The following SCN3A variants were observed in gnomAD, a reference collection of about 807,000 sequenced individuals.
The protein encoded by SCN3A is sodium voltage-gated channel alpha subunit 3.
A neutral mutation model predicts 187.6 loss-of-function variants in SCN3A; 60 were observed. The observed-to-expected ratio is 0.32, with a 90% CI of 0.26 to 0.40. The LOEUF is 0.40. SCN3A is among the 10% of genes least tolerant of loss of function. SCN3A has a pLI of 1.00. For synonymous variants in SCN3A, 788 were observed against 829.2 expected, an observed-to-expected ratio of 0.95 and a Z score of 0.85; for missense variants, 1,601 against 2,428.2, an observed-to-expected ratio of 0.66 and a Z score of 7.16.
At position 165,162,357 on chromosome 2, in the gene SCN3A, A is replaced by C; in HGVS notation, c.982T>G (p.Leu328Val). ...YIGDDSHFYV[L>V]DGQKDPLLCG... The stretch of plus-strand genomic sequence containing the variant: ...AGTAAAGGGTCTTTTTGCCCATCCA[A>C]AACATAAAAGTGACCTGTTAATACA... Residue 328 changes from leucine (L) to valine (V), a missense_variant, in exon 9 of 28, where the codon TTG becomes GTG. Coordinates refer to ENST00000283254, the MANE Select transcript of SCN3A (RefSeq NM_006922.4). 1 of 1,613,768 alleles carries C rather than the reference A, an allele frequency of 6.2e-7. No homozygotes were observed.
At chr2:165,134,121 T>C (rs1687520829) in intron 15 of SCN3A, among the ~76,000 whole-genome samples, 1 of 152,154 alleles carries the variant, frequency 6.6e-6, no homozygotes, top group African/African-American at 2.4e-5. Context: ...GAGAAAATAC[T>C]CAGTATGCAT....
Position 165,112,937 on chromosome 2 carries a change from A to C in SCN3A, c.3791T>G (p.Phe1264Cys). The change falls in exon 21 of 28, where the codon TTT becomes TGT. Residue 1264 changes from phenylalanine to cysteine, a missense_variant. Phe to Cys is a radical substitution (Grantham distance 205). Transcript: ENST00000283254. ...CCAGGCATTAGTGAAATATGTTTGA[A>C]ATCCATAAGCAACCCATTTGAGAAG... ...EMLLKWVAYG[F>C]QTYFTNAWCW... The C allele has an allele frequency of 6.2e-7, 1 of 1,613,648 alleles. No homozygotes were observed. The highest frequency in any genetic ancestry group is 1.7e-4 in the Middle Eastern group (1 of 6,058).
chr2:165,168,950 G>A, intron 4 of SCN3A, 125 bp from the exon 5 acceptor site: 1 of 680,176 alleles, frequency 1.5e-6, no homozygotes, highest in Non-Finnish European at 2.5e-6. Context: ...TTAAAACAAT[G>A]ATAAAATAAT....
chr2:165,129,815 C>G, intron 17 of SCN3A, 125 bp downstream of exon 17: 1 of 1,186,924 alleles, frequency 8.4e-7, no homozygotes. Flanking sequence ...TCTCTGAGTG[C>G]TAATAGGGGG....
Position 165,113,004 on chromosome 2 carries a change from A to G in SCN3A, c.3724T>C (p.Tyr1242His), listed in dbSNP as rs1348671298. ...ATATAGGTAAAGACTTTGTCAGCAT[A>G]TTCTAGCATGGTTTTGATAGTCTTT... ...QRKTIKTMLEYADKVFTYIFI... is the reference protein window; with the variant it reads ...QRKTIKTMLEHADKVFTYIFI... The change falls in exon 21 of 28, where the codon TAT (tyrosine) becomes CAT (histidine). Residue 1242 changes from tyrosine to histidine, a missense_variant. Physicochemically the swap from Tyr to His is moderately conservative, Grantham distance 83. Transcript: ENST00000283254. 6.2e-7 allele frequency: 1 copy of G among 1,613,078 alleles called. No homozygotes were observed. The highest frequency in any genetic ancestry group is 8.5e-7 in the Non-Finnish European group (1 of 1,179,546).
At chr2:165,155,939 G>GAAAT (rs765037815) in intron 9 of SCN3A, 36 bp from the exon 10 acceptor site, 2 of 1,612,524 alleles carry the variant, frequency 1.2e-6, no homozygotes, top group Admixed American at 3.3e-5. Flanking sequence ...GGTCAGTTTA[G>GAAAT]AAATTACAGC....
intron 13 of SCN3A, 147 bp from the exon 14 acceptor site, chr2:165,139,755 A>G (rs1316554136): frequency 2.0e-6 from 2 of 1,014,032 alleles, no homozygotes; most frequent in East Asian, 2.6e-5. Context: ...GCTAAGTTAT[A>G]AACAGTTTTT....
intron 9 of SCN3A, among the ~76,000 whole-genome samples, chr2:165,161,860 A>C (rs541198456): frequency 1.3e-5 from 2 of 152,318 alleles, no homozygotes; most frequent in East Asian, 3.9e-4. Context: ...GAATACTTAA[A>C]TATTTCAAAG....
In SCN3A at chr2:165,119,921, G is replaced by A. The variant is rs978277613; in HGVS notation, c.3394-4346C>T. On this transcript the variant is annotated intron_variant, in intron 18 of 27. Coordinates refer to ENST00000283254, the MANE Select transcript of SCN3A (RefSeq NM_006922.4). ...GGGAATATAGGCATAATAATAGAAA[G>A]CTTCCATATAAAACCACATAGTACA... 4 of 152,126 alleles carry A rather than the reference G, an allele frequency of 2.6e-5. No homozygotes were observed. The East Asian group carries it at 5.8e-4, about 22-fold the overall frequency. 9.4% of individuals were successfully genotyped at this position (152,126 alleles called of 1,614,324 possible). A position where few individuals can be genotyped will look rare whatever the true frequency, so the allele number is the denominator to read the frequency against.
chr2:165,166,392 T>C (rs1689757877), intron 5 of SCN3A, among the ~76,000 whole-genome samples: 1 of 107,148 alleles, frequency 9.3e-6, no homozygotes, highest in Non-Finnish European at 1.8e-5. Context: ...ACTAGGCTCA[T>C]AATCAAGCTG....
rs1687915297 is a variant in SCN3A, at chr2:165,140,117, T to C, written c.2020-509A>G. On this transcript the variant is annotated intron_variant, in intron 13 of 27. Transcript: ENST00000283254. This position sits in a 1 kb window ranked among gnomAD's most constrained non-coding sequence, Gnocchi z 4.2. ...GATGTACGATGAAATGTGTGTGCTT[T>C]CCTGAAATTTCTTTAATTATTTCTA... 6.6e-6 allele frequency among the ~76,000 whole-genome samples: 1 copy of C among 152,172 alleles called. No homozygotes were observed. Among genetic ancestry groups the C allele is most frequent in the Non-Finnish European group, 1.5e-5 (1 of 68,018 alleles).
chr2:165,094,924 A>G (rs1685291838), intron 25 of SCN3A, among the ~76,000 whole-genome samples: 1 of 152,208 alleles, frequency 6.6e-6, no homozygotes, highest in African/African-American at 2.4e-5. Context: ...GTAGGTGGAC[A>G]GTGTATGTTG....
rs79777698 is a variant in SCN3A, at chr2:165,139,772, A to T, written c.2020-164T>A. 0.1 allele frequency: 79,222 copies of T among 772,774 alleles called. 2,636 individuals are homozygous for T. Among genetic ancestry groups the T allele is most frequent in the Middle Eastern group, 0.13 (392 of 3,130 alleles). The allele number at this position is 772,774 out of a possible 1,614,324, so 47.9% of individuals were successfully genotyped here. A position where few individuals can be genotyped will look rare whatever the true frequency, so the allele number is the denominator to read the frequency against. ...TAAGTTATAAACAGTTTTTTTTTTA[A>T]AAAAAAGTTATCACAGGTAGTACTC... On this transcript the variant is annotated intron_variant, in intron 13 of 27. Transcript: ENST00000283254.
In SCN3A at chr2:165,091,228, C is replaced by T. The variant is rs1433107678; in HGVS notation, c.4925G>A (p.Arg1642His). ...CATCATCAAAGCAAAGAGCAGCGTG[C>T]GGATCCCCTTTGCTCCTTTGATCAG... ...LRLIKGAKGI[R>H]TLLFALMMSL... Residue 1642 changes from arginine (R) to histidine (H), a missense_variant, in exon 28 of 28, where the codon CGC becomes CAC. Arg to His is a conservative substitution (Grantham distance 29, BLOSUM62 0). This residue lies in a region of SCN3A where 320 missense variants were observed against 623.2 expected (regional missense o/e 0.51). Transcript: ENST00000283254. The T allele has an allele frequency of 5.0e-6, 8 of 1,614,078 alleles. No individual in the cohort carries two copies. The highest frequency in any genetic ancestry group is 1.6e-4 in the Middle Eastern group (1 of 6,062).
At chr2:165,195,267 G>T (rs186091368) in intron 1 of SCN3A, 7 of 152,316 alleles carry the variant, frequency 4.6e-5, no homozygotes, top group African/African-American at 1.7e-4. Flanking sequence ...TGAGAGGGAA[G>T]ATGCCAGGAG....
At chr2:165,136,761 G>C (rs1687694270) in intron 15 of SCN3A, among the ~76,000 whole-genome samples, 1 of 152,180 alleles carries the variant, frequency 6.6e-6, no homozygotes, top group African/African-American at 2.4e-5. Flanking sequence ...TGCCAAAGAT[G>C]AAGAAAATCT....
At chr2:165,100,977 GATAA>G (rs547562521) in intron 21 of SCN3A, among the ~76,000 whole-genome samples, 2 of 152,176 alleles carry the variant, frequency 1.3e-5, no homozygotes, top group African/African-American at 4.8e-5. Flanking sequence ...AAATATGTTG[GATAA>G]ATAATTATTC....
In SCN3A at chr2:165,197,993, G is replaced by C. The variant is rs73969309; in HGVS notation, c.-248+5830C>G. Reference sequence around the variant, plus strand: ...GAGACCATACAGGTCTCAAGGACATGTATATATCATATCAACAGTATTTTT... The same window carrying C: ...GAGACCATACAGGTCTCAAGGACATCTATATATCATATCAACAGTATTTTT... On this transcript the variant is annotated intron_variant, in intron 1 of 27. Transcript: ENST00000283254. Among the ~76,000 whole-genome samples, 765 of 152,038 alleles carry C rather than the reference G, an allele frequency of 5.0e-3. 3 individuals carry two copies. Among genetic ancestry groups the C allele is most frequent in the African/African-American group, 0.018 (733 of 41,512 alleles).
intron 7 of SCN3A, among the ~76,000 whole-genome samples, chr2:165,163,353 A>G (rs978501520): frequency 3.9e-5 from 6 of 152,164 alleles, no homozygotes; most frequent in Non-Finnish European, 5.9e-5. Flanking sequence ...TGGTAGTGAA[A>G]AAGAGAGAGA....
Sources: gnomAD v4.1 joint callset for allele counts (sites outside exome capture counted in the v4.1 genomes callset) on GRCh38, gnomAD v4.1.1 for gene constraint, gnomAD v4.1.1 regional missense constraint, Gnocchi (gnomAD v3.1) non-coding constraint, MANE v1.5 for transcripts, NCBI Gene and HGNC (gene_info 2026-07-23, HGNC 2026-07-21) for gene names.